MAML2: variants seen among roughly 807,000 people sequenced by gnomAD.
MAML2 encodes the protein mastermind-like protein 2.
In MAML2, 22 loss-of-function variants were observed where a neutral mutation model predicts 96.1. The observed-to-expected ratio is 0.23, with a 90% CI of 0.16 to 0.33. MAML2 has a LOEUF of 0.33. Ranked by LOEUF, MAML2 falls within the 10% of genes least tolerant of loss-of-function variation. MAML2 has a pLI of 1.00. For missense variants in MAML2, 1,367 were observed against 1,392.4 expected (o/e 0.98, Z 0.29); for synonymous variants, 561 against 521.3 (o/e 1.08, Z -1.04).
At chr11:96,107,172 G>A (rs1023671782) in intron 1 of MAML2, among the ~76,000 whole-genome samples, 17 of 151,726 alleles carry the variant, frequency 1.1e-4, no homozygotes, top group African/African-American at 2.7e-4. Flanking sequence ...GCAGTCCCCC[G>A]GCAAGATTAT....
chr11:96,003,987 G>A (rs1858138052), intron 2 of MAML2, among the ~76,000 whole-genome samples: 1 of 152,060 alleles, frequency 6.6e-6, no homozygotes, highest in South Asian at 2.1e-4. Flanking sequence ...AACAAGATTA[G>A]GAAATTGTGT....
chr11:96,287,248 T>C (rs1863153577), intron 1 of MAML2, among the ~76,000 whole-genome samples: 1 of 152,226 alleles, frequency 6.6e-6, no homozygotes, highest in Non-Finnish European at 1.5e-5. Context: ...TAATAACGTC[T>C]GCTAAACTTC....
At position 96,062,802 on chromosome 11, in the gene MAML2, G is replaced by A. The variant is rs78692645; in HGVS notation, c.2139+29090C>T. ...ATTTCACCTAGAATTTTGTACCTAA[G>A]AACATTTTTTGTTCCTGAGCCTTCT... On this transcript the variant is annotated intron_variant, in intron 2 of 4. Coordinates refer to ENST00000524717, the MANE Select transcript of MAML2 (RefSeq NM_032427.4). 2.2e-3 allele frequency among the ~76,000 whole-genome samples: 332 copies of A among 152,214 alleles called. 1 individual carries two copies. Among genetic ancestry groups the A allele is most frequent in the African/African-American group, 7.5e-3 (313 of 41,526 alleles).
At chr11:96,156,918 C>G (rs2135884285) in intron 1 of MAML2, among the ~76,000 whole-genome samples, 1 of 152,240 alleles carries the variant, frequency 6.6e-6, no homozygotes, top group South Asian at 2.1e-4. Context: ...TTCTTTTGGC[C>G]TTGTGTCTCA....
intron 3 of MAML2, among the ~76,000 whole-genome samples, chr11:95,990,077 T>A (rs1017277620): frequency 1.3e-5 from 2 of 152,226 alleles, no homozygotes; most frequent in African/African-American, 4.8e-5. Flanking sequence ...ATTTTACTTC[T>A]TTGGGAGACT....
chr11:96,222,889 GTTTCA>G (rs1862160101), intron 1 of MAML2, among the ~76,000 whole-genome samples: 1 of 151,822 alleles, frequency 6.6e-6, no homozygotes, highest in Non-Finnish European at 1.5e-5. Context: ...AATATAATTT[GTTTCA>G]TTTAAATAAT....
At chr11:96,246,016 T>C (rs1287188745) in intron 1 of MAML2, among the ~76,000 whole-genome samples, 2 of 150,960 alleles carry the variant, frequency 1.3e-5, no homozygotes, top group African/African-American at 4.8e-5. Context: ...TAATTCTTTA[T>C]ATTTCACATT....
At chr11:96,065,525 A>G (rs1206514741) in intron 2 of MAML2, among the ~76,000 whole-genome samples, 1 of 152,226 alleles carries the variant, frequency 6.6e-6, no homozygotes, top group African/African-American at 2.4e-5. Flanking sequence ...GAATCTAGCA[A>G]GAAGAATCAT....
intron 1 of MAML2, among the ~76,000 whole-genome samples, chr11:96,272,169 A>T (rs144725366): frequency 1.4e-3 from 208 of 151,230 alleles, no homozygotes; most frequent in Admixed American, 4.8e-3. Context: ...CCAACATCCT[A>T]TGCATTGTAC....
intron 3 of MAML2, among the ~76,000 whole-genome samples, chr11:95,988,955 T>A (rs1265987365): frequency 6.6e-6 from 1 of 152,230 alleles, no homozygotes; most frequent in Non-Finnish European, 1.5e-5. Context: ...TTTCTCCATC[T>A]GTAAAAATGT....
rs563983889 is a variant in MAML2, at chr11:96,081,298, T to C, written c.2139+10594A>G. Among the ~76,000 whole-genome samples, 5 of 151,950 alleles carry C rather than the reference T, an allele frequency of 3.3e-5. No homozygotes were observed. The Middle Eastern group carries it at 0.01, about 310-fold the overall frequency. ...ATACTGAATTAAAGCATAATATTCA[T>C]TATGAATATGAATATTTATAATATT... On this transcript the variant is annotated intron_variant, in intron 2 of 4. Transcript: ENST00000524717.
chr11:95,994,759 TTG>T (rs1229196056), intron 2 of MAML2, among the ~76,000 whole-genome samples: 1 of 152,212 alleles, frequency 6.6e-6, no homozygotes, highest in African/African-American at 2.4e-5. Context: ...AAAGAAGATT[TTG>T]TGTTTTTTTG....
At chr11:95,998,097 T>A (rs1321660106) in intron 2 of MAML2, among the ~76,000 whole-genome samples, 1 of 152,150 alleles carries the variant, frequency 6.6e-6, no homozygotes, top group African/African-American at 2.4e-5. Context: ...AGCCTATATC[T>A]ACCCATTTAT....
At chr11:96,119,658 G>A (rs1230917796) in intron 1 of MAML2, among the ~76,000 whole-genome samples, 1 of 152,200 alleles carries the variant, frequency 6.6e-6, no homozygotes, top group Non-Finnish European at 1.5e-5. Flanking sequence ...TCAGAGCTGG[G>A]TCTAGAACTC....
At chr11:96,250,682 G>A (rs1474565206) in intron 1 of MAML2, among the ~76,000 whole-genome samples, 1 of 152,196 alleles carries the variant, frequency 6.6e-6, no homozygotes, top group Non-Finnish European at 1.5e-5. Context: ...TCTCTTCTGT[G>A]TAAAGCATTA....
intron 2 of MAML2, among the ~76,000 whole-genome samples, chr11:96,002,867 AT>A (rs1434006411): frequency 1.1e-5 from 1 of 91,290 alleles, no homozygotes; most frequent in Admixed American, 1.1e-4. Context: ...GGATGATGAA[AT>A]GATGATGGGG....
At chr11:96,299,056 A>ATTATATAT in intron 1 of MAML2, among the ~76,000 whole-genome samples, 1 of 49,714 alleles carries the variant, frequency 2.0e-5, no homozygotes, top group Non-Finnish European at 3.4e-5. Flanking sequence ...AAAAAAAAAA[A>ATTATATAT]AAAAATATAT....
intron 1 of MAML2, among the ~76,000 whole-genome samples, chr11:96,099,641 C>A (rs550842829): frequency 6.6e-6 from 1 of 152,056 alleles, no homozygotes; most frequent in East Asian, 1.9e-4. Flanking sequence ...GCCTGGGAAA[C>A]GGGATCCTTC....
At chr11:96,200,582 C>T (rs1012410173) in intron 1 of MAML2, among the ~76,000 whole-genome samples, 9 of 152,156 alleles carry the variant, frequency 5.9e-5, no homozygotes, top group African/African-American at 2.2e-4. Flanking sequence ...TTAGTGTGTC[C>T]CTCACAGCAA....
Sources: allele counts gnomAD v4.1 joint callset (sites outside exome capture counted in the v4.1 genomes callset), GRCh38; gene constraint gnomAD v4.1.1; transcripts MANE v1.5; gene names NCBI Gene and HGNC (gene_info 2026-07-23, HGNC 2026-07-21).